The following MOCOS variants were observed in gnomAD, a reference collection of about 807,000 sequenced individuals.
MOCOS encodes the protein human molybdenum cofactor sulfurase.
In MOCOS, 86 loss-of-function variants were observed where a neutral mutation model predicts 83.6. The ratio of observed to expected loss-of-function variants is 1.03; its 90% confidence interval spans 0.86 to 1.23. MOCOS has a LOEUF of 1.23. Among genes scored for constraint, MOCOS ranks in the 50% most tolerant of loss-of-function variants. The probability of loss-of-function intolerance (pLI) is 0.00; values close to 1 mark genes in which losing one functional copy is unlikely to be tolerated. For synonymous variants in MOCOS, 445 were observed against 434.7 expected (o/e 1.02, Z -0.29); for missense variants, 1,120 against 1,126.9 (o/e 0.99, Z 0.09).
chr18:36,241,875 A>AC (rs1396925257), intron 9 of MOCOS, among the ~76,000 whole-genome samples: 1 of 152,226 alleles, frequency 6.6e-6, no homozygotes, highest in East Asian at 1.9e-4. Context: ...CCCAAGTTGT[A>AC]CCTTGGCCCT....
rs2144165069 is a variant in MOCOS, at chr18:36,270,259, G to C, written c.*1574G>C. The C allele has an allele frequency of 6.6e-6, 1 of 152,312 alleles. No homozygotes were observed. Among genetic ancestry groups the C allele is most frequent in the African/African-American group, 2.4e-5 (1 of 41,568 alleles). 9.4% of individuals were successfully genotyped at this position (152,312 alleles called of 1,614,324 possible). A position where few individuals can be genotyped will look rare whatever the true frequency, so the allele number is the denominator to read the frequency against. Reference sequence around the variant, plus strand: ...TGTCCTCATCAGCTAACTGATAGGAGAACAATGCCCTAAAGTAATGGATTT... The same window carrying C: ...TGTCCTCATCAGCTAACTGATAGGACAACAATGCCCTAAAGTAATGGATTT... On this transcript the variant is annotated 3_prime_UTR_variant, in exon 15 of 15. Transcript: ENST00000261326.
At chr18:36,230,861 A>G (rs897816221) in intron 9 of MOCOS, among the ~76,000 whole-genome samples, 3 of 152,200 alleles carry the variant, frequency 2.0e-5, no homozygotes, top group African/African-American at 7.2e-5. Context: ...GAGCCTGTCA[A>G]TTAGGTTCTG....
rs1452331135 is a variant in MOCOS at position 36,203,113 on chromosome 18, G to T, written c.942G>T (p.Arg314Ser). ...TGTTCTCCTTACCCCGTGGTTATAGGTTTGAAGATGGCACCATCTCATTCC... is the reference window on the plus strand; with the variant it reads ...TGTTCTCCTTACCCCGTGGTTATAGTTTTGAAGATGGCACCATCTCATTCC... The part of the protein sequence containing the change: ...FYIPRQSVAQ[R>S]FEDGTISFLD... Residue 314 changes from arginine (R) to serine (S), a missense_variant and splice_region_variant, in exon 5 of 15, where the codon AGG (arginine) becomes AGT (serine). Transcript: ENST00000261326. 2 of 1,614,122 alleles carry T rather than the reference G, an allele frequency of 1.2e-6. No homozygotes were observed. The highest frequency in any genetic ancestry group is 1.7e-6 in the Non-Finnish European group (2 of 1,179,972).
chr18:36,205,104 C>T lies in MOCOS; in HGVS notation c.1046C>T (p.Thr349Ile). The T allele has an allele frequency of 6.2e-7, 1 of 1,613,110 alleles. No individual in the cohort carries two copies. The highest frequency in any genetic ancestry group is 8.5e-7 in the Non-Finnish European group (1 of 1,179,472). Residue 349 changes from threonine to isoleucine, a missense_variant, in exon 6 of 15, where the codon ACC becomes ATC. Thr to Ile is a moderately conservative substitution (Grantham distance 89). Transcript: ENST00000261326. The stretch of plus-strand genomic sequence containing the variant: ...GGAATGGAGAATATAAAGCAGCACA[C>T]CTTCACCTTGGCTCAGTATACCTAC... ...TGGMENIKQH[T>I]FTLAQYTYVA...
intron 8 of MOCOS, among the ~76,000 whole-genome samples, chr18:36,218,824 T>G (rs2091484454): frequency 6.7e-6 from 1 of 148,350 alleles, no homozygotes; most frequent in Non-Finnish European, 1.5e-5. Context: ...CCAGCTCTAC[T>G]CACTTTATTT....
intron 9 of MOCOS, among the ~76,000 whole-genome samples, chr18:36,240,809 A>C (rs528489314): frequency 2.8e-4 from 42 of 152,190 alleles, no homozygotes; most frequent in African/African-American, 8.9e-4. Context: ...GGACCCTCCG[A>C]GCCAGGTGCA....
At chr18:36,266,374 GA>G (rs2091681935) in intron 13 of MOCOS, among the ~76,000 whole-genome samples, 1 of 152,096 alleles carries the variant, frequency 6.6e-6, no homozygotes, top group Non-Finnish European at 1.5e-5. Flanking sequence ...GGCCTCAAGT[GA>G]ACAGTCCGCC....
intron 11 of MOCOS, 116 bp downstream of exon 11, chr18:36,251,399 G>A (rs538102216): frequency 7.2e-5 from 100 of 1,386,128 alleles, no homozygotes; most frequent in Non-Finnish European, 9.3e-5. Flanking sequence ...GAAAGCAGGG[G>A]TCATCAGCCT....
At chr18:36,244,412 T>G (rs2091595493) in intron 9 of MOCOS, among the ~76,000 whole-genome samples, 1 of 152,196 alleles carries the variant, frequency 6.6e-6, no homozygotes, top group African/African-American at 2.4e-5. Context: ...TTATTTAATT[T>G]CCATGTCTTT....
intron 9 of MOCOS, among the ~76,000 whole-genome samples, chr18:36,226,269 A>G (rs2091515012): frequency 6.6e-6 from 1 of 152,146 alleles, no homozygotes; most frequent in Non-Finnish European, 1.5e-5. Flanking sequence ...TCATCATAAA[A>G]TGTCCTTCTT....
Position 36,270,146 on chromosome 18 carries a change from G to T in MOCOS, c.*1461G>T, listed in dbSNP as rs1253149013. The T allele has an allele frequency of 1.3e-5, 2 of 152,176 alleles. No individual in the cohort carries two copies. The highest frequency in any genetic ancestry group is 1.3e-4 in the Admixed American group (2 of 15,274). The allele number at this position is 152,176 out of a possible 1,614,324, so 9.4% of individuals were successfully genotyped here. On this transcript the variant is annotated 3_prime_UTR_variant, in exon 15 of 15. Coordinates refer to ENST00000261326, the MANE Select transcript of MOCOS (RefSeq NM_017947.4). ...AAGAAGAGGCAAATGAAGTTAGGTG[G>T]GGTGGGGTGGGGTTTATTGTTTTGA...
intron 1 of MOCOS, among the ~76,000 whole-genome samples, chr18:36,187,983 A>G (rs1216553936): frequency 6.6e-6 from 1 of 152,162 alleles, no homozygotes; most frequent in African/African-American, 2.4e-5. Flanking sequence ...CTCTTGCGGG[A>G]GACCCCTCAC....
intron 8 of MOCOS, among the ~76,000 whole-genome samples, chr18:36,217,833 A>T (rs2091480893): frequency 6.6e-6 from 1 of 152,218 alleles, no homozygotes; most frequent in African/African-American, 2.4e-5. Context: ...GTTTATTCCC[A>T]ACTAAACCCC....
At chr18:36,227,611 G>T (rs1568058940) in intron 9 of MOCOS, among the ~76,000 whole-genome samples, 1 of 152,042 alleles carries the variant, frequency 6.6e-6, no homozygotes, top group South Asian at 2.1e-4. Context: ...GGCCAGGCTG[G>T]TCCTGAACTC....
Position 36,187,612 on chromosome 18 carries a change from C to T in MOCOS, c.73C>T (p.Arg25Trp). The T allele has an allele frequency of 8.0e-7, 1 of 1,250,332 alleles. No homozygotes were observed. Among genetic ancestry groups the T allele is most frequent in the East Asian group, 3.1e-5 (1 of 32,444 alleles). 77.5% of individuals were successfully genotyped at this position (1,250,332 alleles called of 1,614,324 possible). Residue 25 changes from arginine (R) to tryptophan (W), a missense_variant, in exon 1 of 15, where the codon CGG becomes TGG. Coordinates refer to ENST00000261326, the MANE Select transcript of MOCOS (RefSeq NM_017947.4). Reference protein sequence around the residue: ...FAGSRDPSAPRLAYGYGPGSL... With the variant: ...FAGSRDPSAPWLAYGYGPGSL... ...GGGTTCCCGGGACCCGAGCGCACCG[C>T]GGCTAGCCTACGGCTACGGCCCGGG...
chr18:36,267,520 G>A (rs1412306291), intron 14 of MOCOS, among the ~76,000 whole-genome samples: 2 of 152,212 alleles, frequency 1.3e-5, no homozygotes, highest in Non-Finnish European at 2.9e-5. Context: ...ATGGTAAAAT[G>A]TGCTACATTG....
At position 36,260,119 on chromosome 18, in the gene MOCOS, AG is replaced by A. The variant is rs2091658265; in HGVS notation, c.2356del (p.Ala786LeufsTer28). The A allele has an allele frequency of 6.2e-7, 1 of 1,613,974 alleles. No homozygotes were observed. The highest frequency in any genetic ancestry group is 1.7e-5 in the Admixed American group (1 of 60,006). Reference protein sequence around the residue: ...FRANIIINGKRAFEEEKWDEI... With the variant: ...FRANIIINGKXAFEEEKWDEI... ...TGCCAATATTATTATCAATGGAAAA[AG>A]GGCTTTTGAAGAAGAGAAATGGGAT... is the stretch of plus-strand genomic sequence containing the variant. On this transcript the variant is annotated frameshift_variant, in exon 13 of 15. Coordinates refer to ENST00000261326, the MANE Select transcript of MOCOS (RefSeq NM_017947.4). LOFTEE classifies it high-confidence loss of function.
At chr18:36,259,940 G>A in intron 12 of MOCOS, 97 bp from the exon 13 acceptor site, 1 of 1,509,514 alleles carries the variant, frequency 6.6e-7, no homozygotes, top group Non-Finnish European at 9.2e-7. Context: ...TAGAGCTGAT[G>A]AAGTTAGGTG....
intron 1 of MOCOS, among the ~76,000 whole-genome samples, chr18:36,194,563 G>A (rs1385644885): frequency 6.6e-6 from 1 of 152,216 alleles, no homozygotes; most frequent in Admixed American, 6.5e-5. Context: ...ATTCCTGCAA[G>A]TGGAATTGCT....
Sources: gnomAD v4.1 joint callset for allele counts (sites outside exome capture counted in the v4.1 genomes callset) on GRCh38, gnomAD v4.1.1 for gene constraint, MANE v1.5 for transcripts, NCBI Gene and HGNC (gene_info 2026-07-23, HGNC 2026-07-21) for gene names.